PDE10A: variants seen among roughly 807,000 people sequenced by gnomAD.
PDE10A encodes the protein cAMP and cAMP-inhibited cGMP 3',5'-cyclic phosphodiesterase 10A.
PDE10A carries 39 observed loss-of-function variants against 97.7 expected under a neutral mutation model. That is an observed-to-expected ratio of 0.40 (90% confidence interval 0.31 to 0.52). The LOEUF (loss-of-function observed/expected upper bound fraction) is 0.52, where lower values mean the gene tolerates loss of function less well. PDE10A is among the 20% of genes least tolerant of loss of function. The probability of loss-of-function intolerance (pLI) is 0.56; values close to 1 mark genes in which losing one functional copy is unlikely to be tolerated. For synonymous variants in PDE10A, 371 were observed against 376.8 expected (o/e 0.98, Z 0.18); for missense variants, 731 against 1,047.8 (o/e 0.70, Z 4.17).
intron 1 of PDE10A, among the ~76,000 whole-genome samples, chr6:165,724,331 G>A (rs1792238461): frequency 1.1e-5 from 1 of 91,646 alleles, no homozygotes; most frequent in Non-Finnish European, 2.3e-5. Context: ...GGGCCCTTTT[G>A]AGACTAAGAA....
At chr6:165,545,193 T>C in intron 1 of PDE10A, 1 of 504,718 alleles carries the variant, frequency 2.0e-6, no homozygotes, top group Admixed American at 2.1e-5. Flanking sequence ...TTATCCTAAC[T>C]TTCTAACTGC....
intron 1 of PDE10A, among the ~76,000 whole-genome samples, chr6:165,684,935 C>T (rs993619297): frequency 6.6e-6 from 1 of 152,220 alleles, no homozygotes; most frequent in Non-Finnish European, 1.5e-5. Flanking sequence ...GAGACGTCGA[C>T]TTGACTTCCT....
chr6:165,839,877 ACCTCTGTCTCCATCCCCATTC>A (rs2128472759), intron 1 of PDE10A, among the ~76,000 whole-genome samples: 1 of 47,506 alleles, frequency 2.1e-5, no homozygotes, highest in African/African-American at 8.0e-5. Flanking sequence ...TCCCATCTGC[ACCTCTGTCTCCATCCCCATTC>A]CCATCTCCAA....
intron 2 of PDE10A, among the ~76,000 whole-genome samples, chr6:165,485,736 G>A (rs1779876570): frequency 6.6e-6 from 1 of 151,804 alleles, no homozygotes; most frequent in South Asian, 2.1e-4. Context: ...GGGACTGCAG[G>A]CGCCCGCCAC....
rs143984354 is a variant in PDE10A at position 165,974,518 on chromosome 6, A to G, written c.-615+13011T>C. 3.8e-3 allele frequency among the ~76,000 whole-genome samples: 581 copies of G among 152,388 alleles called. 1 individual carries two copies. Among genetic ancestry groups the G allele is most frequent in the Non-Finnish European group, 7.1e-3 (482 of 68,038 alleles). On this transcript the variant is annotated intron_variant, in intron 1 of 19. Transcript: ENST00000366882. ...CCAAGGATGCTTAAGGCCTACACAA[A>G]GACATAGTGGAGAATGGGAGTTCTG...
At chr6:165,559,574 T>C (rs1784424171) in intron 1 of PDE10A, among the ~76,000 whole-genome samples, 1 of 152,212 alleles carries the variant, frequency 6.6e-6, no homozygotes, top group African/African-American at 2.4e-5. Context: ...AATCCCTTCT[T>C]TATTCAAATC....
intron 2 of PDE10A, among the ~76,000 whole-genome samples, chr6:165,510,206 G>A (rs137921200): frequency 3.9e-5 from 6 of 152,114 alleles, no homozygotes; most frequent in African/African-American, 1.2e-4. Context: ...GATGTTAGCT[G>A]TGGGTCTGGC....
chr6:165,876,615 C>T (rs1781352068), intron 1 of PDE10A, among the ~76,000 whole-genome samples: 1 of 152,120 alleles, frequency 6.6e-6, no homozygotes, highest in African/African-American at 2.4e-5. Context: ...TTCTTTTTCT[C>T]CCCAAAGTTC....
Position 165,413,860 on chromosome 6 carries a change from T to C in PDE10A, c.1890-173A>G, listed in dbSNP as rs143395971. 6.1e-3 allele frequency among the ~76,000 whole-genome samples: 933 copies of C among 152,324 alleles called. 10 individuals carry two copies. The highest frequency in any genetic ancestry group is 0.021 in the African/African-American group (882 of 41,572). ...CAGGGACAGTAACATTCCACAGAGT[T>C]TTATTAAAACCTTTCCAAAAATATT... On this transcript the variant is annotated intron_variant, in intron 12 of 21. Coordinates refer to ENST00000539869, the MANE Select transcript of PDE10A (RefSeq NM_001385079.1).
rs147870571 is a variant in PDE10A at position 165,578,557 on chromosome 6, C to A, written c.866-34989G>T. ...AGCACCTCCACCATCTGGCCCCAAA[C>A]AACCTTCATCTCCCGCTACTCTCCC... On this transcript the variant is annotated intron_variant, in intron 1 of 21. Coordinates refer to ENST00000539869, the MANE Select transcript of PDE10A (RefSeq NM_001385079.1). Among the ~76,000 whole-genome samples, 297 of 152,260 alleles carry A rather than the reference C, an allele frequency of 2.0e-3. 2 individuals carry two copies. Among genetic ancestry groups the A allele is most frequent in the African/African-American group, 6.6e-3 (275 of 41,544 alleles).
At chr6:165,460,230 T>A (rs932535915) in intron 3 of PDE10A, among the ~76,000 whole-genome samples, 1 of 152,144 alleles carries the variant, frequency 6.6e-6, no homozygotes, top group Non-Finnish European at 1.5e-5. Flanking sequence ...GCGGGTACAA[T>A]AGGATTACTT....
chr6:165,966,829 A>T (rs80220523), intron 1 of PDE10A, among the ~76,000 whole-genome samples: 2,583 of 152,314 alleles, frequency 0.017, 71 homozygotes, highest in African/African-American at 0.058. Context: ...TTATGCCAAA[A>T]GAGATTTCAG....
At chr6:165,560,331 G>T (rs1220524803) in intron 1 of PDE10A, among the ~76,000 whole-genome samples, 1 of 152,312 alleles carries the variant, frequency 6.6e-6, no homozygotes, top group African/African-American at 2.4e-5. Context: ...GTAAGAAAAG[G>T]GGACCTTCAG....
chr6:165,985,712 G>A (rs562873885), intron 1 of PDE10A, among the ~76,000 whole-genome samples: 3 of 142,556 alleles, frequency 2.1e-5, no homozygotes, highest in Admixed American at 1.5e-4. Context: ...CCTGCACACA[G>A]GCATTCATGT....
At chr6:165,831,478 C>CTTTTTTT (rs200237321) in intron 1 of PDE10A, among the ~76,000 whole-genome samples, 32 of 133,832 alleles carry the variant, frequency 2.4e-4, no homozygotes, top group African/African-American at 3.1e-4. Flanking sequence ...TTGCAGGAGT[C>CTTTTTTT]TTTTTTTTTT....
chr6:165,461,724 C>A (rs144753532), intron 3 of PDE10A, among the ~76,000 whole-genome samples: 1 of 152,186 alleles, frequency 6.6e-6, no homozygotes, highest in Non-Finnish European at 1.5e-5. Flanking sequence ...ATCAAATGGC[C>A]GATCACCTAG....
At chr6:165,654,676 C>T (rs892589178) in intron 1 of PDE10A, among the ~76,000 whole-genome samples, 1 of 152,186 alleles carries the variant, frequency 6.6e-6, no homozygotes, top group Non-Finnish European at 1.5e-5. Flanking sequence ...AAAAAGGCAG[C>T]ATCTACCTGC....
chr6:165,796,510 G>A (rs1283096457), intron 1 of PDE10A, among the ~76,000 whole-genome samples: 2 of 152,164 alleles, frequency 1.3e-5, no homozygotes, highest in East Asian at 1.9e-4. Context: ...CAGCTGTCCT[G>A]CCCAGGATAA....
chr6:165,583,975 T>C (rs543609778), intron 1 of PDE10A, among the ~76,000 whole-genome samples: 111 of 152,288 alleles, frequency 7.3e-4, no homozygotes, highest in African/African-American at 2.5e-3. Flanking sequence ...GAACTGGAAG[T>C]TGAGACTGCC....
Sources: gnomAD v4.1 joint callset for allele counts (sites outside exome capture counted in the v4.1 genomes callset) on GRCh38, gnomAD v4.1.1 for gene constraint, MANE v1.5 for transcripts, NCBI Gene and HGNC (gene_info 2026-07-23, HGNC 2026-07-21) for gene names.